Variants in ZBBX observed in about 807,000 individuals in gnomAD.
ZBBX encodes the protein zinc finger B-box domain-containing protein 1.
ZBBX carries 101 observed loss-of-function variants against 108.5 expected under a neutral mutation model. That is an observed-to-expected ratio of 0.93 (90% CI 0.79 to 1.10). The LOEUF (loss-of-function observed/expected upper bound fraction) is 1.10, where lower values mean the gene tolerates loss of function less well. Ranked by LOEUF, ZBBX falls within the 50% of genes least tolerant of loss-of-function variation. The pLI is 0.00. For missense variants in ZBBX, 1,009 were observed against 941.4 expected, an observed-to-expected ratio of 1.07 and a Z score of -0.94; for synonymous variants, 356 against 323.4, an observed-to-expected ratio of 1.10 and a Z score of -1.08.
At chr3:167,202,028 T>C in the ZBBX span, among the ~76,000 whole-genome samples, 1 of 152,230 alleles carries the variant, frequency 6.6e-6, no homozygotes, top group Non-Finnish European at 1.5e-5. Flanking sequence ...TGCATGTTCC[T>C]GCTCTGTTTC....
At chr3:167,285,927 G>C (rs956566397) in intron 19 of ZBBX, among the ~76,000 whole-genome samples, 1 of 152,118 alleles carries the variant, frequency 6.6e-6, no homozygotes, top group Admixed American at 6.6e-5. Context: ...ACTAGTCCTT[G>C]ATTTCTTTCC....
At chr3:167,267,375 G>T (rs928165033) in intron 20 of ZBBX, among the ~76,000 whole-genome samples, 1 of 152,160 alleles carries the variant, frequency 6.6e-6, no homozygotes, top group African/African-American at 2.4e-5. Context: ...TCCAGGGAAG[G>T]ATAGGCAAGA....
At chr3:167,187,415 T>C in the ZBBX span, among the ~76,000 whole-genome samples, 1 of 152,170 alleles carries the variant, frequency 6.6e-6, no homozygotes, top group Non-Finnish European at 1.5e-5. Context: ...CAGAGCCAAT[T>C]CTGCTAATGC....
At chr3:167,237,925 CAAGAG>C (rs1182886251), downstream of ZBBX, among the ~76,000 whole-genome samples, 2 of 151,866 alleles carry the variant, frequency 1.3e-5, no homozygotes, top group Non-Finnish European at 2.9e-5. Context: ...GCTGAATACA[CAAGAG>C]AAAACAGTAG....
chr3:167,252,047 C>T, intron 20 of ZBBX: 1 of 907,116 alleles, frequency 1.1e-6, no homozygotes, highest in South Asian at 1.5e-5. Context: ...CCTTAAACAC[C>T]TCTGCCCTTC....
the ZBBX span, among the ~76,000 whole-genome samples, chr3:167,231,361 G>C: frequency 2.6e-5 from 4 of 151,892 alleles, no homozygotes; most frequent in East Asian, 1.9e-4. Flanking sequence ...AAAATCATGA[G>C]AGCGTGGTGT....
At chr3:167,391,595 G>T (rs1748086460) in intron 1 of ZBBX, among the ~76,000 whole-genome samples, 1 of 151,956 alleles carries the variant, frequency 6.6e-6, no homozygotes, top group African/African-American at 2.4e-5. Flanking sequence ...GTAGAATTTA[G>T]CTGGAAATCC....
chr3:167,300,088 G>A (rs1732373382), intron 17 of ZBBX, among the ~76,000 whole-genome samples: 1 of 152,044 alleles, frequency 6.6e-6, no homozygotes, highest in Non-Finnish European at 1.5e-5. Flanking sequence ...TCTTACCAGT[G>A]GTGGAAAATT....
chr3:167,183,569 A>G, the ZBBX span, among the ~76,000 whole-genome samples: 1 of 152,218 alleles, frequency 6.6e-6, no homozygotes, highest in East Asian at 1.9e-4. Context: ...TTACCCACAT[A>G]TTTATCGACA....
At chr3:167,306,547 G>T (rs894357553) in intron 16 of ZBBX, among the ~76,000 whole-genome samples, 1 of 152,166 alleles carries the variant, frequency 6.6e-6, no homozygotes, top group African/African-American at 2.4e-5. Context: ...TAACCTGGTT[G>T]CACAGTAGAA....
intron 8 of ZBBX, among the ~76,000 whole-genome samples, chr3:167,355,981 T>C (rs1353352402): frequency 6.6e-6 from 1 of 152,060 alleles, no homozygotes; most frequent in Non-Finnish European, 1.5e-5. Flanking sequence ...TCTTCTTACT[T>C]TTCCTTCTTT....
chr3:167,363,186 T>G (rs1449067440), intron 6 of ZBBX, among the ~76,000 whole-genome samples: 1 of 151,986 alleles, frequency 6.6e-6, no homozygotes, highest in African/African-American at 2.4e-5. Flanking sequence ...GTGATAAAAA[T>G]AATACTATAG....
intron 10 of ZBBX, among the ~76,000 whole-genome samples, chr3:167,332,545 C>T (rs1577023229): frequency 6.6e-6 from 1 of 152,082 alleles, no homozygotes. Flanking sequence ...TCTAGTAAGG[C>T]TAGTTACTGA....
In ZBBX at chr3:167,303,320, T is replaced by A. The variant is rs1733041392; in HGVS notation, c.1725+2323A>T. On this transcript the variant is annotated intron_variant, in intron 17 of 21. Coordinates refer to ENST00000675490, the MANE Select transcript of ZBBX (RefSeq NM_001199201.2). Reference sequence around the variant, plus strand: ...CTACAATGATCTCTACCTTCCTTTATAATACAGAATCTTAGTACTTTTAAC... The same window carrying A: ...CTACAATGATCTCTACCTTCCTTTAAAATACAGAATCTTAGTACTTTTAAC... Among the ~76,000 whole-genome samples, 3 of 152,234 alleles carry A rather than the reference T, an allele frequency of 2.0e-5. 1 individual carries two copies. In the South Asian group the frequency reaches 6.2e-4, roughly 31 times the overall value.
At chr3:167,196,770 A>G in the ZBBX span, among the ~76,000 whole-genome samples, 1 of 152,208 alleles carries the variant, frequency 6.6e-6, no homozygotes, top group Admixed American at 6.5e-5. Context: ...GGCTTAATAA[A>G]GGACAAACTT....
intron 2 of ZBBX, among the ~76,000 whole-genome samples, chr3:167,378,984 G>C (rs187512420): frequency 9.9e-4 from 150 of 152,270 alleles, no homozygotes; most frequent in Non-Finnish European, 1.5e-3. Flanking sequence ...ATATTTGAGA[G>C]TGGTCCTACC....
At chr3:167,185,671 T>A in the ZBBX span, among the ~76,000 whole-genome samples, 1 of 152,140 alleles carries the variant, frequency 6.6e-6, no homozygotes, top group African/African-American at 2.4e-5. Flanking sequence ...CATTCTTTAA[T>A]ATCATTCACA....
intron 18 of ZBBX, among the ~76,000 whole-genome samples, chr3:167,292,012 T>C (rs1024220946): frequency 6.6e-5 from 10 of 152,186 alleles, no homozygotes; most frequent in Non-Finnish European, 1.5e-4. Context: ...TTAACTATCC[T>C]AAATATGTAT....
intron 17 of ZBBX, among the ~76,000 whole-genome samples, chr3:167,299,608 C>G (rs1218235457): frequency 6.6e-6 from 1 of 152,148 alleles, no homozygotes; most frequent in Non-Finnish European, 1.5e-5. Flanking sequence ...GGACCCCTAA[C>G]TAGTCCATTG....
Sources: gnomAD v4.1 joint callset for allele counts (sites outside exome capture counted in the v4.1 genomes callset) on GRCh38, gnomAD v4.1.1 for gene constraint, MANE v1.5 for transcripts, NCBI Gene and HGNC (gene_info 2026-07-23, HGNC 2026-07-21) for gene names.